Variants in SLC2A9 observed in about 807,000 individuals in gnomAD.
SLC2A9 encodes the protein solute carrier family 2, facilitated glucose transporter member 9.
A neutral mutation model predicts 50.6 loss-of-function variants in SLC2A9; 39 were observed. The ratio of observed to expected loss-of-function variants is 0.77; its 90% CI spans 0.60 to 1.01. SLC2A9 has a LOEUF of 1.01. Among genes scored for constraint, SLC2A9 ranks in the 50% least tolerant of loss-of-function variants. SLC2A9 has a pLI of 0.00. For synonymous variants in SLC2A9, 324 were observed against 276.9 expected (o/e 1.17, Z -1.69); for missense variants, 686 against 677.6 (o/e 1.01, Z -0.14).
intron 10 of SLC2A9, among the ~76,000 whole-genome samples, chr4:9,861,788 C>G (rs929624820): frequency 6.6e-6 from 1 of 152,038 alleles, no homozygotes; most frequent in African/African-American, 2.4e-5. Flanking sequence ...TCCCCTGGGT[C>G]TAGTATGGAA....
chr4:9,773,065 A>T (rs950674225), intron 1 of SLC2A9, among the ~76,000 whole-genome samples: 1 of 152,116 alleles, frequency 6.6e-6, no homozygotes, highest in Non-Finnish European at 1.5e-5. Flanking sequence ...CTGTCTACAG[A>T]GTGCTGCCTT....
In SLC2A9 at chr4:9,786,829, A is replaced by T. The variant is rs540974821; in HGVS notation, n.386-6764T>A. Among the ~76,000 whole-genome samples, 10 of 152,286 alleles carry T rather than the reference A, an allele frequency of 6.6e-5. No individual in the cohort carries two copies. The East Asian group carries it at 1.7e-3, about 26-fold the overall frequency. ...CAGATATTTGGCAATGTCTGGAGAC[A>T]TTTTTGGTTGTCACAACTGGGTGTC... On this transcript the variant is annotated intron_variant and non_coding_transcript_variant, in intron 3 of 3. Transcript: ENST00000503803.
In SLC2A9 at chr4:9,959,260, C is replaced by T. The variant is rs139661060; in HGVS notation, c.682-17215G>A. On this transcript the variant is annotated intron_variant, in intron 5 of 11. Transcript: ENST00000264784. Reference sequence around the variant, plus strand: ...TACAAAAATTAGCCAGGCGTGGTGGCGGGGGCATGTAATCCCAGCTACTCT... The same window carrying T: ...TACAAAAATTAGCCAGGCGTGGTGGTGGGGGCATGTAATCCCAGCTACTCT... Among the ~76,000 whole-genome samples, 1,447 of 150,750 alleles carry T rather than the reference C, an allele frequency of 9.6e-3. 27 individuals are homozygous for T. Among genetic ancestry groups the T allele is most frequent in the African/African-American group, 0.034 (1,387 of 41,074 alleles).
At chr4:9,960,604 C>T (rs1228762456) in intron 5 of SLC2A9, among the ~76,000 whole-genome samples, 5 of 152,218 alleles carry the variant, frequency 3.3e-5, no homozygotes, top group Non-Finnish European at 7.3e-5. Flanking sequence ...AAGCTTTTGT[C>T]AGGAGCCAAA....
At chr4:9,951,848 G>T (rs4467564) in intron 5 of SLC2A9, among the ~76,000 whole-genome samples, 73,414 of 152,192 alleles carry the variant, frequency 0.48, 19,096 homozygotes, top group African/African-American at 0.67. Flanking sequence ...AAAAGGACAG[G>T]AAATTTACAA....
At position 10,039,760 on chromosome 4, in the gene SLC2A9, A is replaced by G. The variant is rs1188892735; in HGVS notation, c.-41+370T>C. Among the ~76,000 whole-genome samples the G allele has an allele frequency of 2.6e-5, 4 of 152,162 alleles. No individual in the cohort carries two copies. In the East Asian group the frequency reaches 7.7e-4, roughly 29 times the overall value. On this transcript the variant is annotated intron_variant, in intron 1 of 12. Coordinates refer to the SLC2A9 transcript ENST00000309065. The stretch of plus-strand genomic sequence containing the variant: ...ACTCTCCAGTCCAATTCTCTACAGC[A>G]TCCCTGGAGTCATCTTTCTCAAAAG...
In SLC2A9 at chr4:10,018,589, T is replaced by TAGATAGATAAAC. The variant is rs1553915108; in HGVS notation, c.249+385_249+386insGTTTATCTATCT. 8.6e-3 allele frequency among the ~76,000 whole-genome samples: 1,301 copies of TAGATAGATAAAC among 151,128 alleles called. 11 individuals are homozygous for TAGATAGATAAAC. Among genetic ancestry groups the TAGATAGATAAAC allele is most frequent in the East Asian group, 0.034 (170 of 5,002 alleles). On this transcript the variant is annotated intron_variant, in intron 2 of 11. Coordinates refer to ENST00000264784, the MANE Select transcript of SLC2A9 (RefSeq NM_020041.3). ...ATAGATAGATAGATAGATAGATAGA[T>TAGATAGATAAAC]AACAACAACAACAAAACAAATCAAG...
intron 5 of SLC2A9, among the ~76,000 whole-genome samples, chr4:9,964,739 T>C (rs1752799288): frequency 6.6e-6 from 1 of 152,220 alleles, no homozygotes; most frequent in Non-Finnish European, 1.5e-5. Flanking sequence ...TTCAAACACT[T>C]AGGGTCTGGA....
At chr4:9,831,342 A>G (rs1448390313) in intron 11 of SLC2A9, among the ~76,000 whole-genome samples, 1 of 152,142 alleles carries the variant, frequency 6.6e-6, no homozygotes, top group African/African-American at 2.4e-5. Context: ...GGAGAAGAGG[A>G]CACAGATCAA....
chr4:9,843,317 A>G (rs1728400709), intron 10 of SLC2A9, among the ~76,000 whole-genome samples: 1 of 152,216 alleles, frequency 6.6e-6, no homozygotes, highest in Admixed American at 6.5e-5. Context: ...GGTAGCCATT[A>G]CTAATAACAA....
chr4:9,938,251 G>T (rs1458821210), intron 6 of SLC2A9, among the ~76,000 whole-genome samples: 1 of 150,676 alleles, frequency 6.6e-6, no homozygotes. Flanking sequence ...TCCAACCCAT[G>T]GATTAATGAT....
At chr4:10,038,570 C>G (rs1312604383) in intron 1 of SLC2A9, among the ~76,000 whole-genome samples, 1 of 141,142 alleles carries the variant, frequency 7.1e-6, no homozygotes, top group Non-Finnish European at 1.5e-5. Flanking sequence ...GGCCACGGAA[C>G]AAAGTGTTCC....
chr4:9,842,277 G>T (rs1365408368), intron 10 of SLC2A9, among the ~76,000 whole-genome samples: 3 of 152,178 alleles, frequency 2.0e-5, no homozygotes, highest in Admixed American at 2.0e-4. Flanking sequence ...CTTGTGGTAG[G>T]TGTGTAGGTG....
At chr4:9,805,687 GTTTTTTT>G (rs58280694) in intron 3 of SLC2A9, among the ~76,000 whole-genome samples, 2 of 117,822 alleles carry the variant, frequency 1.7e-5, no homozygotes, top group African/African-American at 6.3e-5. Context: ...CAGGGTGTCA[GTTTTTTT>G]TTTTTTTTTT....
At chr4:9,800,936 C>T (rs1256235493) in intron 3 of SLC2A9, among the ~76,000 whole-genome samples, 1 of 152,154 alleles carries the variant, frequency 6.6e-6, no homozygotes. Context: ...CTAGTACACT[C>T]ATGCAGTCAG....
intron 2 of SLC2A9, among the ~76,000 whole-genome samples, chr4:10,011,304 C>A (rs952177387): frequency 6.6e-6 from 1 of 152,134 alleles, no homozygotes; most frequent in Non-Finnish European, 1.5e-5. Flanking sequence ...CATTTCAGTC[C>A]CCAGAGAATG....
At chr4:9,928,595 G>C (rs4235345) in intron 6 of SLC2A9, among the ~76,000 whole-genome samples, 1 of 152,030 alleles carries the variant, frequency 6.6e-6, no homozygotes, top group Admixed American at 6.6e-5. Context: ...TTAGCTGGGC[G>C]TGGTGGCGGG....
At chr4:9,930,804 G>A (rs867455418) in intron 6 of SLC2A9, among the ~76,000 whole-genome samples, 2 of 152,242 alleles carry the variant, frequency 1.3e-5, no homozygotes, top group Non-Finnish European at 2.9e-5. Context: ...AAGGATGAAC[G>A]TGTTTTTTGC....
At chr4:9,981,213 A>ATGGTAG (rs1560429995) in intron 4 of SLC2A9, among the ~76,000 whole-genome samples, 1 of 874 alleles carries the variant, frequency 1.1e-3, no homozygotes, top group Non-Finnish European at 2.6e-3. Flanking sequence ...GGTGATGATG[A>ATGGTAG]TGATGGTGGT....
Sources: allele counts gnomAD v4.1 joint callset (sites outside exome capture counted in the v4.1 genomes callset), GRCh38; gene constraint gnomAD v4.1.1; transcripts MANE v1.5; gene names NCBI Gene and HGNC (gene_info 2026-07-23, HGNC 2026-07-21).